ADCY3: variants seen among roughly 807,000 people sequenced by gnomAD.
ADCY3 encodes the protein adenylate cyclase type 3.
A neutral mutation model predicts 119.4 loss-of-function variants in ADCY3; 70 were observed. The ratio of observed to expected loss-of-function variants is 0.59; its 90% CI spans 0.48 to 0.72. The LOEUF is 0.72. Among genes scored for constraint, ADCY3 ranks in the 30% least tolerant of loss-of-function variants. The pLI is 0.00. For missense variants in ADCY3, 1,238 were observed against 1,541.6 expected (o/e 0.80, Z 3.30); for synonymous variants, 672 against 621.4 (o/e 1.08, Z -1.21).
chr2:24,830,999 G>A (rs2148467386), intron 12 of ADCY3, among the ~76,000 whole-genome samples, 174 bp from the exon 13 acceptor site: 1 of 152,280 alleles, frequency 6.6e-6, no homozygotes, highest in East Asian at 1.9e-4. Flanking sequence ...GAGGGCGTGG[G>A]AGTTCTGACG....
intron 15 of ADCY3, 96 bp from the exon 16 acceptor site, chr2:24,826,222 C>A: frequency 8.9e-7 from 1 of 1,126,258 alleles, no homozygotes. Context: ...TCCTGCCACC[C>A]CAGCCCTAGA....
chr2:24,842,642 A>G lies in ADCY3; in HGVS notation c.826-258T>C, dbSNP rs1324563345. 8.4e-6 allele frequency: 4 copies of G among 474,734 alleles called. No individual in the cohort carries two copies. Among genetic ancestry groups the G allele is most frequent in the Non-Finnish European group, 1.6e-5 (4 of 257,874 alleles). The allele number at this position is 474,734 out of a possible 1,614,324, so 29.4% of individuals were successfully genotyped here. A position where few individuals can be genotyped will look rare whatever the true frequency, so the allele number is the denominator to read the frequency against. ...AGCCAGAAACGCAGTGAAGCATCCCAACGTGGCTCTGTGCTCAGCATCCTC... is the reference window on the plus strand; with the variant it reads ...AGCCAGAAACGCAGTGAAGCATCCCGACGTGGCTCTGTGCTCAGCATCCTC... On this transcript the variant is annotated intron_variant, in intron 3 of 21. Coordinates refer to ENST00000679454, the MANE Select transcript of ADCY3 (RefSeq NM_004036.5). This position sits in a 1 kb window ranked among gnomAD's most constrained non-coding sequence, Gnocchi z 4.9.
At chr2:24,859,696 C>T (rs960680373) in intron 3 of ADCY3, among the ~76,000 whole-genome samples, 2 of 152,192 alleles carry the variant, frequency 1.3e-5, no homozygotes, top group African/African-American at 2.4e-5. Flanking sequence ...GGTCAATGGG[C>T]GGTTCTTCCC....
intron 13 of ADCY3, among the ~76,000 whole-genome samples, chr2:24,829,022 C>T (rs5829942): frequency 6.9e-6 from 1 of 144,544 alleles, no homozygotes; most frequent in Non-Finnish European, 1.5e-5. Flanking sequence ...TCTTTTTTTT[C>T]TTTTTTTTTT....
In ADCY3 at chr2:24,918,350, T is replaced by C; in HGVS notation, c.638A>G (p.Gln213Arg). Residue 213 changes from glutamine (Q) to arginine (R), a missense_variant, in exon 2 of 22, where the codon CAG (glutamine) becomes CGG (arginine). Physicochemically the swap from Gln to Arg is conservative, Grantham distance 43 (BLOSUM62 1). Transcript: ENST00000679454. This position sits in a 1 kb window ranked among gnomAD's most constrained non-coding sequence, Gnocchi z 5.4. Reference protein sequence around the residue: ...LVLGVTVAQQQQEELKGMQLL... With the variant: ...LVLGVTVAQQRQEELKGMQLL... The stretch of plus-strand genomic sequence containing the variant: ...CTGCATCCCCTTGAGCTCCTCCTGC[T>C]GCTGCTGGGCCACGGTGACCCCCAG... 6.3e-7 allele frequency: 1 copy of C among 1,597,090 alleles called. No homozygotes were observed. The highest frequency in any genetic ancestry group is 8.5e-7 in the Non-Finnish European group (1 of 1,171,074).
At chr2:24,903,486 C>T (rs547837128) in intron 2 of ADCY3, among the ~76,000 whole-genome samples, 43 of 152,242 alleles carry the variant, frequency 2.8e-4, no homozygotes, top group South Asian at 1.5e-3. Context: ...GGAGCCTGGG[C>T]GCCTTCTTCA....
chr2:24,908,078 T>G (rs946909953), intron 2 of ADCY3, among the ~76,000 whole-genome samples: 4 of 151,896 alleles, frequency 2.6e-5, no homozygotes, highest in African/African-American at 7.3e-5. Flanking sequence ...TCCCAGCACT[T>G]TGGAAGGCCA....
intron 3 of ADCY3, among the ~76,000 whole-genome samples, chr2:24,846,109 C>G (rs1275396736): frequency 6.6e-6 from 1 of 152,218 alleles, no homozygotes; most frequent in Non-Finnish European, 1.5e-5. Context: ...CATGGAGAAC[C>G]CCTGCTAGGG....
At chr2:24,863,626 A>G (rs557230734) in intron 3 of ADCY3, among the ~76,000 whole-genome samples, 2 of 152,312 alleles carry the variant, frequency 1.3e-5, no homozygotes, top group East Asian at 3.9e-4. Context: ...GCCTCAAGCA[A>G]TCCTCCTGCC....
chr2:24,911,589 G>T (rs1395415198), intron 2 of ADCY3, among the ~76,000 whole-genome samples: 1 of 145,614 alleles, frequency 6.9e-6, no homozygotes, highest in African/African-American at 2.6e-5. Flanking sequence ...AGCGGAGGCT[G>T]CAGTGAGCCA....
In ADCY3 at chr2:24,841,710, A is replaced by G; in HGVS notation, c.957-43T>C. The G allele has an allele frequency of 6.6e-7, 1 of 1,514,566 alleles. No individual in the cohort carries two copies. The highest frequency in any genetic ancestry group is 9.1e-7 in the Non-Finnish European group (1 of 1,095,484). 93.8% of individuals were successfully genotyped at this position (1,514,566 alleles called of 1,614,324 possible). A position where few individuals can be genotyped will look rare whatever the true frequency, so the allele number is the denominator to read the frequency against. On this transcript the variant is annotated intron_variant, in intron 4 of 21. Coordinates refer to ENST00000679454, the MANE Select transcript of ADCY3 (RefSeq NM_004036.5). This position sits in a 1 kb window ranked among gnomAD's most constrained non-coding sequence, Gnocchi z 5.8. Reference sequence around the variant, plus strand: ...CGTGGGGGTGACGCTCCAGGCAGCCAGGTGTACCCGACCCCACTGCCAGCT... The same window carrying G: ...CGTGGGGGTGACGCTCCAGGCAGCCGGGTGTACCCGACCCCACTGCCAGCT...
Position 24,822,546 on chromosome 2 carries a change from C to CG in ADCY3, c.2967dup (p.Asp990ArgfsTer26). 1.2e-6 allele frequency: 2 copies of CG among 1,613,958 alleles called. No homozygotes were observed. Among genetic ancestry groups the CG allele is most frequent in the Non-Finnish European group, 1.7e-6 (2 of 1,179,968 alleles). On this transcript the variant is annotated frameshift_variant, in exon 19 of 22. Transcript: ENST00000679454. LOFTEE classifies it high-confidence loss of function. ...CTGGCAAAGCCATTGGTGTTGACAT[C>CG]GGGGGTGACTCCTGAAGCCGCCATA...
intron 2 of ADCY3, among the ~76,000 whole-genome samples, chr2:24,875,953 A>T (rs1406775834): frequency 6.7e-6 from 1 of 150,066 alleles, no homozygotes; most frequent in Admixed American, 6.6e-5. Context: ...TCACAACCCC[A>T]TCTTTTCCCA....
At chr2:24,879,762 G>A (rs985795403) in intron 2 of ADCY3, among the ~76,000 whole-genome samples, 11 of 152,124 alleles carry the variant, frequency 7.2e-5, no homozygotes, top group Admixed American at 1.3e-4. Flanking sequence ...CCTTACCCCG[G>A]GGCCAGGGCT....
At chr2:24,828,997 TC>T (rs1669031057) in intron 13 of ADCY3, among the ~76,000 whole-genome samples, 1 of 150,306 alleles carries the variant, frequency 6.7e-6, no homozygotes, top group Admixed American at 6.7e-5. Flanking sequence ...AACTCCTCAT[TC>T]CCAGTAGACT....
intron 3 of ADCY3, among the ~76,000 whole-genome samples, chr2:24,853,008 GTGTGTGTGTGTGTGTGTGT>G (rs1558455192): frequency 0.12 from 10,237 of 87,554 alleles, 566 homozygotes; most frequent in Non-Finnish European, 0.17. Context: ...GCTGGAGGGT[GTGTGTGTGTGTGTGTGTGT>G]GTGTGTGTGT....
intron 3 of ADCY3, among the ~76,000 whole-genome samples, chr2:24,865,954 G>A (rs1009464035): frequency 2.0e-5 from 3 of 152,156 alleles, no homozygotes; most frequent in Non-Finnish European, 4.4e-5. Flanking sequence ...GAGAAACAAG[G>A]ACTGTGAGCA....
chr2:24,897,768 C>T (rs939272534), intron 2 of ADCY3, among the ~76,000 whole-genome samples: 1 of 152,202 alleles, frequency 6.6e-6, no homozygotes, highest in Non-Finnish European at 1.5e-5. Context: ...ATATGCTGAG[C>T]ACCAGCAGGC....
chr2:24,823,611 C>T (rs982510881), intron 17 of ADCY3, among the ~76,000 whole-genome samples: 1 of 150,868 alleles, frequency 6.6e-6, no homozygotes, highest in African/African-American at 2.4e-5. Context: ...CACCAGGTAT[C>T]TGGGACCACA....
Sources: allele counts gnomAD v4.1 joint callset (sites outside exome capture counted in the v4.1 genomes callset), GRCh38; gene constraint gnomAD v4.1.1; non-coding constraint Gnocchi (gnomAD v3.1); transcripts MANE v1.5; gene names NCBI Gene and HGNC (gene_info 2026-07-23, HGNC 2026-07-21).